HBS1L: variants seen among roughly 807,000 people sequenced by gnomAD.
The protein encoded by HBS1L is HBS1-like protein.
HBS1L carries 55 observed loss-of-function variants against 88.9 expected under a neutral mutation model. The observed-to-expected ratio is 0.62, with a 90% CI of 0.50 to 0.77. HBS1L has a LOEUF of 0.77. HBS1L is among the 30% of genes least tolerant of loss of function. The probability of loss-of-function intolerance (pLI) is 0.00; values close to 1 mark genes in which losing one functional copy is unlikely to be tolerated. For synonymous variants in HBS1L, 267 were observed against 288.5 expected, an observed-to-expected ratio of 0.93 and a Z score of 0.76; for missense variants, 741 against 829.3, an observed-to-expected ratio of 0.89 and a Z score of 1.31.
At chr6:134,969,468 C>T (rs1246756396) in intron 15 of HBS1L, 130 bp from the exon 16 acceptor site, 2 of 639,338 alleles carry the variant, frequency 3.1e-6, no homozygotes, top group African/African-American at 3.7e-5. Flanking sequence ...CCAGTTGCTT[C>T]CTCTAAGTCC....
chr6:134,970,094 G>T (rs1385370403), intron 15 of HBS1L, among the ~76,000 whole-genome samples: 1 of 152,132 alleles, frequency 6.6e-6, no homozygotes, highest in East Asian at 1.9e-4. Context: ...GACAGACCTG[G>T]GTTCAAGTCA....
intron 1 of HBS1L, among the ~76,000 whole-genome samples, chr6:135,054,049 T>A (rs1476991746): frequency 6.6e-6 from 1 of 152,238 alleles, no homozygotes; most frequent in Non-Finnish European, 1.5e-5. Context: ...AAGATCCATC[T>A]GATCGACTCA....
intron 15 of HBS1L, among the ~76,000 whole-genome samples, chr6:134,973,145 G>A (rs1341297787): frequency 6.6e-6 from 1 of 152,146 alleles, no homozygotes; most frequent in Non-Finnish European, 1.5e-5. Context: ...TTGTACACCC[G>A]TTTTCACAGC....
chr6:135,032,832 A>T (rs1025130546), intron 4 of HBS1L, among the ~76,000 whole-genome samples: 1 of 152,216 alleles, frequency 6.6e-6, no homozygotes, highest in Admixed American at 6.5e-5. Context: ...GACTATAGTT[A>T]TTAATACATA....
rs116294454 is a variant in HBS1L, at chr6:135,037,260, G to A, written c.430+2313C>T. On this transcript the variant is annotated intron_variant, in intron 4 of 17. Coordinates refer to ENST00000367837, the MANE Select transcript of HBS1L (RefSeq NM_006620.4). ...GATCTGTGAAACTGGCAGATGACTG[G>A]TTACAAAGGTCAGATAAAGTAAAGC... is the stretch of plus-strand genomic sequence containing the variant. The A allele has an allele frequency of 2.6e-3, 4,065 of 1,551,894 alleles. 101 individuals are homozygous for A. The African/African-American group carries it at 0.048, about 18-fold the overall frequency.
At chr6:135,029,646 T>C (rs1185289045) in intron 4 of HBS1L, among the ~76,000 whole-genome samples, 2 of 152,232 alleles carry the variant, frequency 1.3e-5, no homozygotes, top group Non-Finnish European at 2.9e-5. Flanking sequence ...GCAATATCTA[T>C]CCAAAACTTT....
At chr6:135,041,177 T>C (rs1001064777) in intron 3 of HBS1L, among the ~76,000 whole-genome samples, 2 of 151,992 alleles carry the variant, frequency 1.3e-5, no homozygotes, top group Non-Finnish European at 2.9e-5. Flanking sequence ...ACTTCTTTCA[T>C]TGGCCCATTA....
chr6:135,003,152 C>T (rs1775512946), intron 4 of HBS1L, among the ~76,000 whole-genome samples: 1 of 152,126 alleles, frequency 6.6e-6, no homozygotes. Context: ...GAGCCTTGTT[C>T]TGACATTATA....
Position 134,986,104 on chromosome 6 carries a change from G to T in HBS1L, c.1385C>A (p.Thr462Lys). The T allele has an allele frequency of 6.3e-7, 1 of 1,591,234 alleles. No homozygotes were observed. Among genetic ancestry groups the T allele is most frequent in the Non-Finnish European group, 8.6e-7 (1 of 1,160,432 alleles). Reference protein sequence around the residue: ...LITRSQSSELTKWYKGLCLLE... With the variant: ...LITRSQSSELKKWYKGLCLLE... The stretch of plus-strand genomic sequence containing the variant: ...TAAACATAGTCCTTTATACCATTTT[G>T]TGAGTTCACTTGACTGAGATCTTGT... The change falls in exon 11 of 18, where the codon ACA (threonine) becomes AAA (lysine). Residue 462 changes from threonine to lysine, a missense_variant. By Grantham distance (78) the Thr-to-Lys change is moderately conservative. Coordinates refer to ENST00000367837, the MANE Select transcript of HBS1L (RefSeq NM_006620.4).
chr6:134,979,059 G>A (rs925496445), intron 14 of HBS1L, 119 bp downstream of exon 14: 6 of 705,984 alleles, frequency 8.5e-6, no homozygotes, highest in Non-Finnish European at 2.5e-6. Context: ...CATTTACACA[G>A]GTGTCTATTT....
At chr6:134,983,905 G>A (rs1392864736) in intron 12 of HBS1L, among the ~76,000 whole-genome samples, 1 of 152,146 alleles carries the variant, frequency 6.6e-6, no homozygotes, top group Non-Finnish European at 1.5e-5. Flanking sequence ...ACAGGAGAAA[G>A]CAGGTCACAG....
intron 15 of HBS1L, among the ~76,000 whole-genome samples, chr6:134,974,022 T>C (rs372182417): frequency 3.9e-4 from 59 of 152,024 alleles, no homozygotes; most frequent in African/African-American, 1.3e-3. Context: ...TTAAAAAATA[T>C]AGAGTAAGAG....
chr6:135,031,555 G>C (rs181687036), intron 4 of HBS1L, among the ~76,000 whole-genome samples: 270 of 152,132 alleles, frequency 1.8e-3, no homozygotes, highest in Non-Finnish European at 3.1e-3. Context: ...TGGTTAACTA[G>C]ATGGTGACAG....
intron 4 of HBS1L, among the ~76,000 whole-genome samples, chr6:135,025,648 C>T (rs556065331): frequency 6.6e-6 from 1 of 152,230 alleles, no homozygotes; most frequent in Non-Finnish European, 1.5e-5. Context: ...AAATCCCTCC[C>T]TTTTCAAATA....
intron 15 of HBS1L, among the ~76,000 whole-genome samples, chr6:134,974,931 AAATC>A (rs1168498588): frequency 1.3e-5 from 2 of 152,206 alleles, no homozygotes; most frequent in African/African-American, 4.8e-5. Flanking sequence ...CAAGAGAAAG[AAATC>A]AAGGGCATCC....
intron 1 of HBS1L, among the ~76,000 whole-genome samples, chr6:135,052,124 G>C (rs1174190480): frequency 6.6e-6 from 1 of 152,092 alleles, no homozygotes; most frequent in African/African-American, 2.4e-5. Context: ...CATGCAGCAG[G>C]AACAGCATGC....
intron 4 of HBS1L, among the ~76,000 whole-genome samples, chr6:135,005,264 A>C (rs1262038757): frequency 2.0e-5 from 3 of 152,256 alleles, no homozygotes; most frequent in African/African-American, 7.2e-5. Context: ...AAAGCATTGA[A>C]ATATTAAAGT....
intron 4 of HBS1L, among the ~76,000 whole-genome samples, chr6:135,039,162 C>A (rs1854865): frequency 1.9e-4 from 28 of 149,722 alleles, no homozygotes; most frequent in African/African-American, 4.2e-4. Flanking sequence ...AAAATACAAA[C>A]AAAAAAAAAA....
chr6:135,022,647 T>A (rs1055516230), intron 4 of HBS1L, among the ~76,000 whole-genome samples: 7 of 152,020 alleles, frequency 4.6e-5, no homozygotes, highest in Non-Finnish European at 1.0e-4. Context: ...ATTGTCTAAA[T>A]AAAAATACTC....
Sources: gnomAD v4.1 joint callset for allele counts (sites outside exome capture counted in the v4.1 genomes callset) on GRCh38, gnomAD v4.1.1 for gene constraint, MANE v1.5 for transcripts, NCBI Gene and HGNC (gene_info 2026-07-23, HGNC 2026-07-21) for gene names.